ERBB4: variants seen among roughly 807,000 people sequenced by gnomAD.
The protein encoded by ERBB4 is receptor tyrosine-protein kinase erbB-4.
In ERBB4, 42 loss-of-function variants were observed where a neutral mutation model predicts 158.0. The observed-to-expected ratio is 0.27, with a 90% CI of 0.21 to 0.34. ERBB4 has a LOEUF of 0.34. Among genes scored for constraint, ERBB4 ranks in the 10% least tolerant of loss-of-function variants. ERBB4 has a pLI of 1.00. For missense variants in ERBB4, 1,333 were observed against 1,624.1 expected (o/e 0.82, Z 3.08); for synonymous variants, 583 against 558.7 (o/e 1.04, Z -0.61).
intron 3 of ERBB4, among the ~76,000 whole-genome samples, chr2:211,813,498 T>C (rs1234512278): frequency 6.6e-6 from 1 of 152,222 alleles, no homozygotes; most frequent in East Asian, 1.9e-4. Context: ...TCCTTCTATT[T>C]CATATATTGA....
intron 2 of ERBB4, among the ~76,000 whole-genome samples, chr2:211,983,554 C>A (rs2081860778): frequency 6.6e-6 from 1 of 152,126 alleles, no homozygotes; most frequent in Admixed American, 6.5e-5. Context: ...GCACACACAA[C>A]TGAGAATAAA....
intron 1 of ERBB4, among the ~76,000 whole-genome samples, chr2:212,179,202 T>C (rs2204070): frequency 0.18 from 27,096 of 151,416 alleles, 2,732 homozygotes; most frequent in Non-Finnish European, 0.22. Flanking sequence ...AAAAGCCTGT[T>C]TTGACATTGT....
chr2:211,789,135 T>C (rs2076228982), intron 3 of ERBB4, among the ~76,000 whole-genome samples: 1 of 152,128 alleles, frequency 6.6e-6, no homozygotes. Context: ...TAGCTACAAA[T>C]ACACATAGCA....
chr2:212,012,199 G>A (rs926087880), intron 2 of ERBB4, among the ~76,000 whole-genome samples: 4 of 152,060 alleles, frequency 2.6e-5, no homozygotes, highest in African/African-American at 7.2e-5. Context: ...GACCCCAGAA[G>A]CTTTTGATAA....
At chr2:212,243,983 G>A (rs1033654320) in intron 1 of ERBB4, among the ~76,000 whole-genome samples, 3 of 152,072 alleles carry the variant, frequency 2.0e-5, no homozygotes, top group African/African-American at 7.2e-5. Flanking sequence ...TGGTATTCAA[G>A]TTAATTTAGT....
chr2:211,964,506 G>T (rs866565395), intron 2 of ERBB4, among the ~76,000 whole-genome samples: 1 of 152,062 alleles, frequency 6.6e-6, no homozygotes, highest in Non-Finnish European at 1.5e-5. Flanking sequence ...TAATGACATA[G>T]GTGACATTTC....
At chr2:212,244,150 A>T (rs1023031467) in intron 1 of ERBB4, among the ~76,000 whole-genome samples, 1 of 152,206 alleles carries the variant, frequency 6.6e-6, no homozygotes, top group Non-Finnish European at 1.5e-5. Context: ...TTCATTAATA[A>T]TGAATAATGG....
chr2:211,791,293 G>T (rs933623751), intron 3 of ERBB4, among the ~76,000 whole-genome samples: 10 of 151,838 alleles, frequency 6.6e-5, no homozygotes, highest in African/African-American at 2.4e-4. Context: ...AAAATGTCTG[G>T]CTATATTTAG....
rs10221746 is a variant in ERBB4, at chr2:211,705,154, T to C, written c.1198+164A>G. Among the ~76,000 whole-genome samples the C allele has an allele frequency of 0.35, 52,882 of 151,792 alleles. 10,709 individuals carry two copies. Among genetic ancestry groups the C allele is most frequent in the Non-Finnish European group, 0.47 (31,755 of 67,944 alleles). On this transcript the variant is annotated intron_variant, in intron 10 of 27. Coordinates refer to ENST00000342788, the MANE Select transcript of ERBB4 (RefSeq NM_005235.3). ...GTATTTTTAGTAGAGACAGGGTTTC[T>C]CCATGTTGGCCAGGATTTCCATCTC...
chr2:212,378,222 A>ACCT (rs2090389590), intron 1 of ERBB4, among the ~76,000 whole-genome samples: 1 of 151,702 alleles, frequency 6.6e-6, no homozygotes, highest in African/African-American at 2.4e-5. Context: ...GTCATTATGC[A>ACCT]CCTCTCTCTC....
intron 3 of ERBB4, among the ~76,000 whole-genome samples, chr2:211,858,732 T>C (rs1284816753): frequency 2.6e-5 from 4 of 152,208 alleles, no homozygotes; most frequent in African/African-American, 7.2e-5. Flanking sequence ...CCATTAACAA[T>C]CTGGCATGTT....
intron 1 of ERBB4, among the ~76,000 whole-genome samples, chr2:212,280,436 T>C (rs2085711412): frequency 6.6e-6 from 1 of 151,664 alleles, no homozygotes; most frequent in Non-Finnish European, 1.5e-5. Context: ...TGCTGAAAGG[T>C]TAATGAAGAA....
chr2:211,811,068 G>T (rs1441297948), intron 3 of ERBB4, among the ~76,000 whole-genome samples: 2 of 152,138 alleles, frequency 1.3e-5, no homozygotes, highest in African/African-American at 4.8e-5. Flanking sequence ...GATGTTAGCT[G>T]GTTATTTTGC....
At chr2:211,672,301 A>G (rs1267523874) in intron 14 of ERBB4, among the ~76,000 whole-genome samples, 1 of 152,224 alleles carries the variant, frequency 6.6e-6, no homozygotes, top group Non-Finnish European at 1.5e-5. Context: ...AGAGGATTCA[A>G]TAACACAGAT....
intron 4 of ERBB4, among the ~76,000 whole-genome samples, chr2:211,769,569 T>C (rs1358344283): frequency 6.6e-6 from 1 of 152,204 alleles, no homozygotes; most frequent in Non-Finnish European, 1.5e-5. Context: ...ATAGGACATC[T>C]GCAAATTGAG....
chr2:212,456,998 T>C (rs907699237), intron 1 of ERBB4, among the ~76,000 whole-genome samples: 1 of 152,092 alleles, frequency 6.6e-6, no homozygotes, highest in Admixed American at 6.6e-5. Flanking sequence ...CCACAGTATT[T>C]ACTCTACAGG....
intron 20 of ERBB4, among the ~76,000 whole-genome samples, chr2:211,454,354 ATGT>A (rs1209019265): frequency 3.3e-5 from 5 of 152,208 alleles, no homozygotes; most frequent in Non-Finnish European, 7.3e-5. Context: ...AATCAGTAGG[ATGT>A]TGTTGTTATA....
At chr2:211,956,402 A>G (rs1023979535) in intron 2 of ERBB4, among the ~76,000 whole-genome samples, 3 of 152,112 alleles carry the variant, frequency 2.0e-5, no homozygotes, top group African/African-American at 7.2e-5. Flanking sequence ...GTTTATTAAC[A>G]TTGTCCATAT....
intron 1 of ERBB4, among the ~76,000 whole-genome samples, chr2:212,274,325 T>C (rs557500676): frequency 8.6e-5 from 13 of 151,958 alleles, no homozygotes; most frequent in Non-Finnish European, 1.8e-4. Context: ...ATGGGTCCCA[T>C]GGTGTTATTC....
Sources: allele counts gnomAD v4.1 joint callset (sites outside exome capture counted in the v4.1 genomes callset), GRCh38; gene constraint gnomAD v4.1.1; transcripts MANE v1.5; gene names NCBI Gene and HGNC (gene_info 2026-07-23, HGNC 2026-07-21).